Variants in RABEP1 observed in about 807,000 individuals in gnomAD.
RABEP1 encodes rabaptin, RAB GTPase binding effector protein 1.
A neutral mutation model predicts 123.4 loss-of-function variants in RABEP1; 51 were observed. The ratio of observed to expected loss-of-function variants is 0.41; its 90% CI spans 0.33 to 0.52. The LOEUF is 0.52. RABEP1 is among the 20% of genes least tolerant of loss of function. The pLI, the probability that RABEP1 is intolerant of heterozygous loss-of-function variation, is 0.16. For missense variants in RABEP1, 888 were observed against 996.3 expected (o/e 0.89, Z 1.46); for synonymous variants, 347 against 355.2 (o/e 0.98, Z 0.26).
intron 2 of RABEP1, among the ~76,000 whole-genome samples, chr17:5,319,620 C>T (rs2075334111): frequency 6.6e-6 from 1 of 152,048 alleles, no homozygotes; most frequent in South Asian, 2.1e-4. Flanking sequence ...GCCTTGGCCT[C>T]CCAAAGTGTT....
In RABEP1 at chr17:5,361,742, A is replaced by G; in HGVS notation, c.1563+67A>G. ...GGCACACTGGGAAGCTCTGGGATTT[A>G]GCGTTCATTCAACAGACGGTTCCTG... On this transcript the variant is annotated intron_variant, in intron 9 of 17. Transcript: ENST00000537505. The G allele has an allele frequency of 2.2e-6, 3 of 1,360,690 alleles. 1 individual carries two copies. In the South Asian group the frequency reaches 4.3e-5, roughly 20 times the overall value. The allele number at this position is 1,360,690 out of a possible 1,614,324, so 84.3% of individuals were successfully genotyped here.
chr17:5,309,918 G>A (rs1275326244), intron 2 of RABEP1, among the ~76,000 whole-genome samples: 1 of 152,220 alleles, frequency 6.6e-6, no homozygotes, highest in Non-Finnish European at 1.5e-5. Flanking sequence ...GTTAGAAACT[G>A]TGGGATTTGG....
At chr17:5,336,094 A>G (rs1162804448) in intron 4 of RABEP1, among the ~76,000 whole-genome samples, 1 of 152,234 alleles carries the variant, frequency 6.6e-6, no homozygotes, top group Admixed American at 6.5e-5. Flanking sequence ...AAAGCTTTTT[A>G]GCTAGTTTAA....
chr17:5,287,025 C>T (rs949692032), intron 1 of RABEP1, among the ~76,000 whole-genome samples: 3 of 151,982 alleles, frequency 2.0e-5, no homozygotes, highest in Non-Finnish European at 4.4e-5. Context: ...GCCTTGAGGG[C>T]GGAAGCATGT....
intron 5 of RABEP1, among the ~76,000 whole-genome samples, chr17:5,344,629 G>A (rs958638896): frequency 6.6e-6 from 1 of 151,682 alleles, no homozygotes; most frequent in East Asian, 1.9e-4. Context: ...AAAATTAGCC[G>A]GGCGTGGTGG....
At chr17:5,317,076 T>C (rs1397708067) in intron 2 of RABEP1, among the ~76,000 whole-genome samples, 1 of 152,042 alleles carries the variant, frequency 6.6e-6, no homozygotes, top group African/African-American at 2.4e-5. Context: ...GGCTAATTTT[T>C]GGAGGAGACA....
intron 14 of RABEP1, 44 bp from the exon 15 acceptor site, chr17:5,378,133 C>T: frequency 3.5e-6 from 5 of 1,447,160 alleles, no homozygotes; most frequent in Non-Finnish European, 4.8e-6. Flanking sequence ...TGTTCATGCA[C>T]AATAATAGAT....
At chr17:5,294,107 G>A (rs2075058033) in intron 1 of RABEP1, among the ~76,000 whole-genome samples, 1 of 152,214 alleles carries the variant, frequency 6.6e-6, no homozygotes, top group Admixed American at 6.5e-5. Context: ...GTATCTGCGG[G>A]GTCCACTTTC....
intron 4 of RABEP1, chr17:5,336,538 T>C (rs372882211): frequency 2.2e-6 from 1 of 448,780 alleles, no homozygotes. Flanking sequence ...CTTAGATGCC[T>C]CTTGGCTGTG....
chr17:5,300,499 TTC>T (rs1044793362), intron 1 of RABEP1, among the ~76,000 whole-genome samples: 3 of 152,058 alleles, frequency 2.0e-5, no homozygotes, highest in African/African-American at 7.3e-5. Context: ...TTGGTCAAGT[TTC>T]TCTCTCTTTC....
intron 1 of RABEP1, among the ~76,000 whole-genome samples, chr17:5,308,018 C>T (rs2075196517): frequency 6.6e-6 from 1 of 152,062 alleles, no homozygotes; most frequent in Non-Finnish European, 1.5e-5. Flanking sequence ...TGGGAAATAG[C>T]AAGATTGGCA....
At position 5,385,566 on chromosome 17, in the gene RABEP1, C is replaced by T. The variant is rs1597309374; in HGVS notation, c.*2343C>T. ...ATTCTGCATACTAACCTATTTTTTT[C>T]TCCCTTTAAGGTGCTAAACTTGCAC... is the stretch of plus-strand genomic sequence containing the variant. On this transcript the variant is annotated 3_prime_UTR_variant, in exon 18 of 18. Coordinates refer to ENST00000537505, the MANE Select transcript of RABEP1 (RefSeq NM_004703.6). The T allele has an allele frequency of 4.3e-6, 1 of 230,950 alleles. No individual in the cohort carries two copies. Among genetic ancestry groups the T allele is most frequent in the Non-Finnish European group, 8.6e-6 (1 of 116,672 alleles). The allele number at this position is 230,950 out of a possible 1,614,324, so 14.3% of individuals were successfully genotyped here. A position where few individuals can be genotyped will look rare whatever the true frequency, so the allele number is the denominator to read the frequency against.
chr17:5,334,641 G>A (rs1906887904), intron 3 of RABEP1, among the ~76,000 whole-genome samples: 1 of 152,146 alleles, frequency 6.6e-6, no homozygotes, highest in Non-Finnish European at 1.5e-5. Context: ...TAGGGTTACA[G>A]GTGTGTGTGA....
rs557298414 is a variant in RABEP1 at position 5,294,989 on chromosome 17, T to TA, written c.34+12478dup. Among the ~76,000 whole-genome samples the TA allele has an allele frequency of 9.8e-4, 148 of 151,330 alleles. No homozygotes were observed. The South Asian group carries it at 0.02, about 20-fold the overall frequency. ...GAGTTTCATATGTATAAAATATGTT[T>TA]AAAAAAAAACGTAAAAATTTGATAG... On this transcript the variant is annotated intron_variant, in intron 1 of 17. Coordinates refer to ENST00000537505, the MANE Select transcript of RABEP1 (RefSeq NM_004703.6).
intron 4 of RABEP1, 63 bp downstream of exon 4, chr17:5,335,407 G>A: frequency 7.2e-7 from 1 of 1,382,966 alleles, no homozygotes; most frequent in Non-Finnish European, 1.0e-6. Context: ...CTTTAATATT[G>A]TTGTGTAATA....
At chr17:5,382,124 C>T (rs1911523150) in intron 17 of RABEP1, among the ~76,000 whole-genome samples, 1 of 150,998 alleles carries the variant, frequency 6.6e-6, no homozygotes. Flanking sequence ...CTCTGTTGCC[C>T]AGGCTAGAGT....
Position 5,365,206 on chromosome 17 carries a change from A to G in RABEP1, c.1753A>G (p.Ile585Val), listed in dbSNP as rs370213848. ...AGATAAGCAGGAGCTGGAAGACTTC[A>G]TAAAGCAAAGCAGCGAAGATTCGAG... ...MKDKQELEDF[I>V]KQSSEDSSHQ... The change falls in exon 11 of 18, where the codon ATA becomes GTA. Residue 585 changes from isoleucine to valine, a missense_variant. Transcript: ENST00000537505. The G allele has an allele frequency of 1.9e-6, 3 of 1,611,190 alleles. No individual in the cohort carries two copies. Among genetic ancestry groups the G allele is most frequent in the African/African-American group, 1.3e-5 (1 of 74,814 alleles).
chr17:5,293,681 A>C (rs1297306301), intron 1 of RABEP1, among the ~76,000 whole-genome samples: 2 of 152,220 alleles, frequency 1.3e-5, no homozygotes, highest in Non-Finnish European at 2.9e-5. Flanking sequence ...TTCTTTGATT[A>C]CAGGTGTGAG....
intron 1 of RABEP1, among the ~76,000 whole-genome samples, chr17:5,301,449 C>T (rs149675518): frequency 6.6e-6 from 1 of 152,186 alleles, no homozygotes; most frequent in East Asian, 1.9e-4. Flanking sequence ...GATAGACAGC[C>T]ATGGATATGG....
Sources: allele counts gnomAD v4.1 joint callset (sites outside exome capture counted in the v4.1 genomes callset), GRCh38; gene constraint gnomAD v4.1.1; transcripts MANE v1.5; gene names NCBI Gene and HGNC (gene_info 2026-07-23, HGNC 2026-07-21).